The following LIPI variants were observed in gnomAD, a reference collection of about 807,000 sequenced individuals.
LIPI encodes lipase I, also known as lipase member I.
Under a neutral mutation model 50.6 loss-of-function variants are expected in LIPI, and 59 were observed. The ratio of observed to expected loss-of-function variants is 1.16; its 90% confidence interval spans 0.94 to 1.45. The LOEUF (loss-of-function observed/expected upper bound fraction) is 1.45, where lower values mean the gene tolerates loss of function less well. Ranked by LOEUF, LIPI falls within the 40% of genes most tolerant of loss-of-function variation. The pLI is 0.00. For missense variants in LIPI, 586 were observed against 536.3 expected (o/e 1.09, Z -0.92); for synonymous variants, 203 against 178.2 (o/e 1.14, Z -1.11).
At chr21:14,127,846 T>C (rs1479616978) in intron 9 of LIPI, among the ~76,000 whole-genome samples, 2 of 152,238 alleles carry the variant, frequency 1.3e-5, no homozygotes, top group South Asian at 4.1e-4. Flanking sequence ...TCTAAGCATA[T>C]ATAAAAATGA....
At chr21:14,182,854 G>C (rs2019320101) in intron 3 of LIPI, among the ~76,000 whole-genome samples, 1 of 152,164 alleles carries the variant, frequency 6.6e-6, no homozygotes, top group African/African-American at 2.4e-5. Context: ...CAAACAAATG[G>C]AAGAACATTC....
intron 9 of LIPI, among the ~76,000 whole-genome samples, chr21:14,124,440 C>T (rs950390513): frequency 3.3e-5 from 5 of 152,240 alleles, no homozygotes; most frequent in African/African-American, 1.2e-4. Flanking sequence ...AGAATACTAA[C>T]TGCCTGTTTT....
chr21:14,194,656 GA>G (rs1275322524), intron 1 of LIPI, among the ~76,000 whole-genome samples: 3 of 152,088 alleles, frequency 2.0e-5, no homozygotes, highest in African/African-American at 7.2e-5. Context: ...AAGGGGAAAT[GA>G]GGAGTTATAT....
In LIPI at chr21:14,152,660, A is replaced by G; in HGVS notation, c.1031T>C (p.Ile344Thr). The stretch of plus-strand genomic sequence containing the variant: ...ATCCATCATAGTTTTATCTGGAACA[A>G]TTATACTGAGAACAAAATAATAGGC... The part of the protein sequence containing the change: ...FCTYYFVLSI[I>T]VPDKTMMDGS... The change falls in exon 8 of 10, where the codon ATT (isoleucine) becomes ACT (threonine). Residue 344 changes from isoleucine (I) to threonine (T), a missense_variant. By Grantham distance (89) the Ile-to-Thr change is moderately conservative. Transcript: ENST00000681601. 6.6e-7 allele frequency: 1 copy of G among 1,515,288 alleles called. No homozygotes were observed. Among genetic ancestry groups the G allele is most frequent in the Non-Finnish European group, 9.2e-7 (1 of 1,092,414 alleles). 93.9% of individuals were successfully genotyped at this position (1,515,288 alleles called of 1,614,324 possible).
At chr21:14,118,336 A>C (rs2016733531) in intron 9 of LIPI, among the ~76,000 whole-genome samples, 1 of 152,174 alleles carries the variant, frequency 6.6e-6, no homozygotes, top group African/African-American at 2.4e-5. Flanking sequence ...GTGACTCAAA[A>C]AATTGGGCCG....
At chr21:14,118,656 A>G (rs747123942) in intron 9 of LIPI, among the ~76,000 whole-genome samples, 7 of 152,220 alleles carry the variant, frequency 4.6e-5, no homozygotes, top group Non-Finnish European at 8.8e-5. Context: ...GGAAGAAGAT[A>G]TAGTGTGGCT....
At chr21:14,136,260 G>T (rs921606753) in intron 9 of LIPI, among the ~76,000 whole-genome samples, 1 of 152,150 alleles carries the variant, frequency 6.6e-6, no homozygotes, top group African/African-American at 2.4e-5. Flanking sequence ...CACCAAGTGG[G>T]CTCGTGGGGT....
In LIPI at chr21:14,165,267, C is replaced by A; in HGVS notation, c.857G>T (p.Cys286Phe). The A allele has an allele frequency of 1.9e-6, 3 of 1,613,090 alleles. No homozygotes were observed. The highest frequency in any genetic ancestry group is 2.2e-5 in the East Asian group (1 of 44,766). The change falls in exon 6 of 10, where the codon TGT (cysteine) becomes TTT (phenylalanine). Residue 286 changes from cysteine to phenylalanine, a missense_variant. By Grantham distance (205) the Cys-to-Phe change is radical. Transcript: ENST00000681601. ...TTCCTTAAAACAGTCACAGTCCACA[C>A]ATAAGCTAGTCTTGTAATCTTTGTA... The part of the protein sequence containing the change: ...RSYKDYKTSL[C>F]VDCDCFKEKS...
chr21:14,158,389 A>G (rs899542879), intron 7 of LIPI, among the ~76,000 whole-genome samples: 1 of 151,644 alleles, frequency 6.6e-6, no homozygotes, highest in African/African-American at 2.4e-5. Flanking sequence ...ATAGAACAGA[A>G]TAAAAAAGAT....
At chr21:14,160,533 A>C (rs537981353) in intron 7 of LIPI, among the ~76,000 whole-genome samples, 1 of 151,494 alleles carries the variant, frequency 6.6e-6, no homozygotes, top group Admixed American at 6.6e-5. Context: ...AACACATAGA[A>C]CTATTATTTT....
chr21:14,149,630 T>TG (rs1469010222), intron 8 of LIPI, among the ~76,000 whole-genome samples: 1 of 152,024 alleles, frequency 6.6e-6, no homozygotes, highest in African/African-American at 2.4e-5. Context: ...CTAGATACAA[T>TG]GGGGGTACAA....
At chr21:14,173,232 A>G (rs2018982579) in intron 4 of LIPI, among the ~76,000 whole-genome samples, 1 of 152,350 alleles carries the variant, frequency 6.6e-6, no homozygotes. Flanking sequence ...GCCAAGTCCT[A>G]CAGATCCTTT....
At chr21:14,129,778 G>T (rs2017210982) in intron 9 of LIPI, among the ~76,000 whole-genome samples, 1 of 143,722 alleles carries the variant, frequency 7.0e-6, no homozygotes. Context: ...TAATCTATTT[G>T]TTCAATAATG....
chr21:14,204,285 T>C (rs1250019912), intron 1 of LIPI, among the ~76,000 whole-genome samples: 1 of 151,546 alleles, frequency 6.6e-6, no homozygotes, highest in Non-Finnish European at 1.5e-5. Flanking sequence ...AATTAGTCTT[T>C]TTTTTAAAAA....
chr21:14,134,094 G>T (rs1181243284), intron 9 of LIPI, among the ~76,000 whole-genome samples: 1 of 151,972 alleles, frequency 6.6e-6, no homozygotes, highest in Non-Finnish European at 1.5e-5. Context: ...AGTCAGGCAT[G>T]GTGGTGCATG....
intron 8 of LIPI, among the ~76,000 whole-genome samples, chr21:14,147,188 G>T (rs148994699): frequency 0.022 from 3,301 of 152,174 alleles, 55 homozygotes; most frequent in Admixed American, 0.028. Flanking sequence ...GAATGCAGTA[G>T]GGCAATGACT....
chr21:14,176,154 G>T (rs2019088625), intron 4 of LIPI, among the ~76,000 whole-genome samples: 1 of 148,794 alleles, frequency 6.7e-6, no homozygotes, highest in African/African-American at 2.5e-5. Flanking sequence ...CTCCAGCCTG[G>T]GCGACAGTGA....
intron 3 of LIPI, among the ~76,000 whole-genome samples, chr21:14,182,332 C>T (rs1222203862): frequency 6.6e-6 from 1 of 151,964 alleles, no homozygotes; most frequent in Non-Finnish European, 1.5e-5. Flanking sequence ...TTATCCATTT[C>T]TCGTAAGACT....
At chr21:14,164,879 G>T (rs971324169) in intron 6 of LIPI, among the ~76,000 whole-genome samples, 5 of 152,052 alleles carry the variant, frequency 3.3e-5, no homozygotes, top group African/African-American at 1.2e-4. Flanking sequence ...CCTCAGTGTT[G>T]CCAAGACTGT....
Sources: allele counts gnomAD v4.1 joint callset (sites outside exome capture counted in the v4.1 genomes callset), GRCh38; gene constraint gnomAD v4.1.1; transcripts MANE v1.5; gene names NCBI Gene and HGNC (gene_info 2026-07-23, HGNC 2026-07-21).